Variants in TJAP1 observed in about 807,000 individuals in gnomAD.
TJAP1 encodes tight junction-associated protein 1.
A neutral mutation model predicts 42.0 loss-of-function variants in TJAP1; 27 were observed. That is an observed-to-expected ratio of 0.64 (90% CI 0.47 to 0.89). The LOEUF is 0.89. Among genes scored for constraint, TJAP1 ranks in the 40% least tolerant of loss-of-function variants. The pLI is 0.00. For missense variants in TJAP1, 712 were observed against 726.9 expected (o/e 0.98, Z 0.24); for synonymous variants, 257 against 288.4 (o/e 0.89, Z 1.10).
In TJAP1 at chr6:43,492,772, C is replaced by T. The variant is rs1461076265; in HGVS notation, c.-121-5109C>T. On this transcript the variant is annotated intron_variant, in intron 2 of 10. Transcript: ENST00000372449. The surrounding 1 kb of genome is among the most constrained non-coding windows in gnomAD (Gnocchi z 4.2). ...CCAGGGCTTACGCTTGCAGGGTGAC[C>T]ATTTGTGTTCCTTAGACATCAGTTG... is the stretch of plus-strand genomic sequence containing the variant. Among the ~76,000 whole-genome samples, 1 of 152,124 alleles carries T rather than the reference C, an allele frequency of 6.6e-6. No individual in the cohort carries two copies. The highest frequency in any genetic ancestry group is 2.4e-5 in the African/African-American group (1 of 41,432).
chr6:43,484,989 A>G (rs2127491095), intron 2 of TJAP1, among the ~76,000 whole-genome samples: 1 of 152,220 alleles, frequency 6.6e-6, no homozygotes, highest in Non-Finnish European at 1.5e-5. Context: ...GGGCCTCCCA[A>G]AGTGCCAGGA....
chr6:43,505,417 C>A lies in TJAP1; in HGVS notation c.1236C>A (p.Val412=), dbSNP rs745365757. The A allele has an allele frequency of 1.9e-6, 3 of 1,612,602 alleles. No homozygotes were observed. The South Asian group carries it at 3.3e-5, about 18-fold the overall frequency. ...CCAGCTCTGAAGAGGACCTGCTGGT[C>A]AGCTGGCAGCGGGCATTTGTGGACC... is the stretch of plus-strand genomic sequence containing the variant. Residue 412 remains valine (V), a synonymous_variant, in exon 11 of 11, where the codon GTC becomes GTA. Transcript: ENST00000372449. The surrounding 1 kb of genome is among the most constrained non-coding windows in gnomAD (Gnocchi z 5.5).
chr6:43,491,121 C>A lies in TJAP1; in HGVS notation c.-121-6760C>A, dbSNP rs975017137. 1.3e-5 allele frequency among the ~76,000 whole-genome samples: 2 copies of A among 152,046 alleles called. No individual in the cohort carries two copies. The highest frequency in any genetic ancestry group is 2.9e-5 in the Non-Finnish European group (2 of 68,028). ...TCCCCTTGGGCTGGGTGAGAGAAGG[C>A]AGCAGCCTACCAGCACTGGGTGGGA... On this transcript the variant is annotated intron_variant, in intron 2 of 10. Transcript: ENST00000372449. The surrounding 1 kb of genome is among the most constrained non-coding windows in gnomAD (Gnocchi z 4.6).
intron 6 of TJAP1, among the ~76,000 whole-genome samples, 173 bp from the exon 7 acceptor site, chr6:43,502,110 T>TCTCTCC (rs1791041706): frequency 2.0e-5 from 3 of 149,358 alleles, no homozygotes; most frequent in South Asian, 2.1e-4. Flanking sequence ...TCTCTCTCTC[T>TCTCTCC]CCTTTCATAG....
chr6:43,505,729 G>T lies in TJAP1; in HGVS notation c.1548G>T (p.Glu516Asp). The change falls in exon 11 of 11, where the codon GAG becomes GAT. Residue 516 changes from glutamate (E) to aspartate (D), a missense_variant. Physicochemically the swap from Glu to Asp is conservative, Grantham distance 45 (BLOSUM62 2). Around this residue, in one of 3 missense-constraint regions of TJAP1, gnomAD observed 549 missense variants for 528.2 expected, o/e 1.04. Coordinates refer to ENST00000372449, the Ensembl canonical transcript of TJAP1. This position sits in a 1 kb window ranked among gnomAD's most constrained non-coding sequence, Gnocchi z 5.5. The stretch of plus-strand genomic sequence containing the variant: ...AGGGGCCAGGCACTTCCCACACCGA[G>T]GGCAGGGCCTGGCCACTCCCCAGCT... The T allele has an allele frequency of 6.4e-7, 1 of 1,555,284 alleles. No homozygotes were observed.
At chr6:43,504,711 A>G (rs1485374569) in intron 10 of TJAP1, 50 bp from the exon 11 acceptor site, 5 of 1,580,708 alleles carry the variant, frequency 3.2e-6, no homozygotes, top group South Asian at 1.2e-5. Context: ...GAGTCAAGTT[A>G]TCTTTGGCTG....
chr6:43,478,343 TAG>T (rs1265214596), intron 2 of TJAP1, 111 bp downstream of exon 2: 2 of 152,252 alleles, frequency 1.3e-5, no homozygotes, highest in African/African-American at 4.8e-5. Flanking sequence ...CTCACTTTTA[TAG>T]AGTTTGTCCT....
At chr6:43,504,727 A>G (rs766074613) in intron 10 of TJAP1, 34 bp from the exon 11 acceptor site, 2 of 1,592,910 alleles carry the variant, frequency 1.3e-6, no homozygotes, top group Non-Finnish European at 1.7e-6. Flanking sequence ...GGCTGCGATC[A>G]TTGATGTCTC....
intron 1 of TJAP1, 130 bp from the exon 2 acceptor site, chr6:43,477,957 C>G (rs1400796737): frequency 6.6e-6 from 1 of 152,398 alleles, no homozygotes; most frequent in Non-Finnish European, 1.5e-5. Flanking sequence ...AGAGGCCCGA[C>G]TGTATCTGGC....
rs533332088 is a variant in TJAP1 at position 43,498,614 on chromosome 6, T to C, written c.-24-364T>C. 1.3e-4 allele frequency among the ~76,000 whole-genome samples: 20 copies of C among 152,360 alleles called. No individual in the cohort carries two copies. In the South Asian group the frequency reaches 4.1e-3, roughly 32 times the overall value. ...GCTAATTTAGAGTTGAGAAAACTAA[T>C]GCATAGAGAGCAGTTTTACCTTCTG... On this transcript the variant is annotated intron_variant, in intron 3 of 10. Transcript: ENST00000372449.
intron 2 of TJAP1, among the ~76,000 whole-genome samples, chr6:43,488,404 C>G (rs868236352): frequency 6.6e-6 from 1 of 152,134 alleles, no homozygotes; most frequent in Non-Finnish European, 1.5e-5. Flanking sequence ...AGCAGGCACC[C>G]TGGCTGTCTC....
intron 2 of TJAP1, among the ~76,000 whole-genome samples, chr6:43,482,345 C>G (rs1785494554): frequency 6.6e-6 from 1 of 152,070 alleles, no homozygotes; most frequent in Non-Finnish European, 1.5e-5. Flanking sequence ...AAGCCAATCC[C>G]TTCACTTCCT....
intron 10 of TJAP1, chr6:43,504,164 G>C (rs1791682011): frequency 3.6e-6 from 1 of 274,560 alleles, no homozygotes; most frequent in African/African-American, 2.2e-5. Flanking sequence ...ACCTAGGCTG[G>C]AGTGCAGTGG....
At chr6:43,497,184 C>T (rs1789394978) in intron 2 of TJAP1, 1 of 152,198 alleles carries the variant, frequency 6.6e-6, no homozygotes, top group Non-Finnish European at 1.5e-5. Context: ...CCACTAGGTG[C>T]CAGTGGCACT....
At chr6:43,503,997 G>A (rs781665826) in intron 10 of TJAP1, 9 of 620,512 alleles carry the variant, frequency 1.5e-5, no homozygotes, top group African/African-American at 1.3e-4. Flanking sequence ...TGCCCAAAGA[G>A]TACTAAGAGA....
chr6:43,499,587 G>T (rs951867900), intron 4 of TJAP1, among the ~76,000 whole-genome samples: 1 of 152,202 alleles, frequency 6.6e-6, no homozygotes, highest in Non-Finnish European at 1.5e-5. Flanking sequence ...TGTTGAATAT[G>T]TACTCCCTGC....
chr6:43,502,542 G>C lies in TJAP1; in HGVS notation c.358-46G>C, dbSNP rs978594829. On this transcript the variant is annotated intron_variant, in intron 7 of 10. Transcript: ENST00000372449. ...CTCACACTGTTTCTCTTCTTTCCTC[G>C]TCTCCCCCTCATGCTGCCACCGTTG... The C allele has an allele frequency of 4.5e-6, 7 of 1,550,628 alleles. No homozygotes were observed. In the Admixed American group the frequency reaches 5.9e-5, roughly 13 times the overall value.
At chr6:43,481,834 C>T (rs76353013) in intron 2 of TJAP1, among the ~76,000 whole-genome samples, 2,780 of 152,214 alleles carry the variant, frequency 0.018, 34 homozygotes, top group South Asian at 0.039. Context: ...TGAGTCATGT[C>T]CTGTCTATTT....
chr6:43,501,428 C>A, intron 5 of TJAP1, 98 bp from the exon 6 acceptor site: 1 of 1,106,284 alleles, frequency 9.0e-7, no homozygotes. Flanking sequence ...TGCCTGTCCT[C>A]ATGTCATCCC....
Sources: allele counts gnomAD v4.1 joint callset (sites outside exome capture counted in the v4.1 genomes callset), GRCh38; gene constraint gnomAD v4.1.1; regional missense constraint gnomAD v4.1.1; non-coding constraint Gnocchi (gnomAD v3.1); transcripts MANE v1.5; gene names NCBI Gene and HGNC (gene_info 2026-07-23, HGNC 2026-07-21).